CSNK1G1: variants seen among roughly 807,000 people sequenced by gnomAD.
CSNK1G1 encodes the protein casein kinase 1 gamma 1.
CSNK1G1 carries 22 observed loss-of-function variants against 59.6 expected under a neutral mutation model. The observed-to-expected ratio is 0.37, with a 90% confidence interval of 0.26 to 0.53. CSNK1G1 has a LOEUF of 0.53. CSNK1G1 is among the 20% of genes least tolerant of loss of function. The pLI, the probability that CSNK1G1 is intolerant of heterozygous loss-of-function variation, is 0.89. For synonymous variants in CSNK1G1, 179 were observed against 177.1 expected (o/e 1.01, Z -0.08); for missense variants, 384 against 519.5 (o/e 0.74, Z 2.54).
rs187606784 is a variant in CSNK1G1, at chr15:64,316,148, T to C, written c.-224-15425A>G. Among the ~76,000 whole-genome samples, 549 of 152,098 alleles carry C rather than the reference T, an allele frequency of 3.6e-3. 5 individuals are homozygous for C. Among genetic ancestry groups the C allele is most frequent in the Non-Finnish European group, 3.8e-3 (258 of 68,016 alleles). ...CTTTAGCAATCCTCCAACCCCAGCC[T>C]CTCAAAGCACTGGGATTAAAAACAT... On this transcript the variant is annotated intron_variant, in intron 1 of 11. Transcript: ENST00000303052.
intron 1 of CSNK1G1, among the ~76,000 whole-genome samples, chr15:64,325,820 C>T (rs1896807965): frequency 6.6e-6 from 1 of 152,072 alleles, no homozygotes; most frequent in South Asian, 2.1e-4. Flanking sequence ...AAGTAATTGG[C>T]CTAATACTAC....
At chr15:64,178,875 C>T (rs539806394) in intron 11 of CSNK1G1, among the ~76,000 whole-genome samples, 2 of 151,982 alleles carry the variant, frequency 1.3e-5, no homozygotes, top group Non-Finnish European at 2.9e-5. Flanking sequence ...CTGAACCTTC[C>T]AAGTACCTAG....
intron 10 of CSNK1G1, among the ~76,000 whole-genome samples, chr15:64,201,886 A>G (rs1033667919): frequency 8.5e-5 from 13 of 152,132 alleles, no homozygotes; most frequent in African/African-American, 2.9e-4. Context: ...GATATGTGAT[A>G]ATTATTTTAA....
intron 10 of CSNK1G1, among the ~76,000 whole-genome samples, chr15:64,182,575 G>T (rs993129733): frequency 2.6e-5 from 4 of 152,144 alleles, no homozygotes; most frequent in Non-Finnish European, 4.4e-5. Flanking sequence ...AATGTGACAT[G>T]AACTATATAT....
rs2082288877 is a variant in CSNK1G1, at chr15:64,214,713, A to T, written c.445-589T>A. On this transcript the variant is annotated intron_variant, in intron 5 of 11. Transcript: ENST00000303052. The surrounding 1 kb of genome is among the most constrained non-coding windows in gnomAD (Gnocchi z 4.3). ...AGTCTTGCTCTGTCACCCAGGGTGG[A>T]GTGCAGCCTCAGCCTCCTGGGTTCT... 1.3e-5 allele frequency among the ~76,000 whole-genome samples: 2 copies of T among 152,140 alleles called. No individual in the cohort carries two copies. The highest frequency in any genetic ancestry group is 4.1e-4 in the South Asian group (2 of 4,826).
intron 2 of CSNK1G1, among the ~76,000 whole-genome samples, chr15:64,271,839 T>A (rs1041589716): frequency 6.6e-6 from 1 of 152,212 alleles, no homozygotes; most frequent in African/African-American, 2.4e-5. Flanking sequence ...CTCAATCATC[T>A]GTTTGATACT....
At chr15:64,277,677 A>C (rs1217283714) in intron 2 of CSNK1G1, among the ~76,000 whole-genome samples, 6 of 134,586 alleles carry the variant, frequency 4.5e-5, no homozygotes, top group African/African-American at 1.7e-4. Flanking sequence ...ATATTTAATA[A>C]TATAGCAATA....
Position 64,251,376 on chromosome 15 carries a change from GTTTA to G in CSNK1G1, c.292+132_292+135del, listed in dbSNP as rs1892073234. The G allele has an allele frequency of 5.0e-6, 3 of 603,170 alleles. No individual in the cohort carries two copies. The South Asian group carries it at 6.8e-5, about 14-fold the overall frequency. The allele number at this position is 603,170 out of a possible 1,614,324, so 37.4% of individuals were successfully genotyped here. On this transcript the variant is annotated intron_variant, in intron 4 of 11. Coordinates refer to ENST00000303052, the MANE Select transcript of CSNK1G1 (RefSeq NM_022048.5). The stretch of plus-strand genomic sequence containing the variant: ...CGCAAGTAGCTTTGTGGTTGACTAT[GTTTA>G]TTTACCTATCCGGCAAGCAGGGGAG...
At chr15:64,172,018 G>A in intron 11 of CSNK1G1, 33 bp from the exon 12 acceptor site, 1 of 1,600,810 alleles carries the variant, frequency 6.2e-7, no homozygotes, top group Non-Finnish European at 8.6e-7. Flanking sequence ...AGTCAGTGCG[G>A]GAGGCCTGCA....
chr15:64,181,528 T>C, intron 10 of CSNK1G1: 1 of 1,128,156 alleles, frequency 8.9e-7, no homozygotes, highest in East Asian at 2.6e-5. Flanking sequence ...TTCTTATAGG[T>C]TGATGAGAGA....
intron 6 of CSNK1G1, among the ~76,000 whole-genome samples, chr15:64,209,634 G>T (rs2082226261): frequency 6.6e-6 from 1 of 151,970 alleles, no homozygotes; most frequent in Non-Finnish European, 1.5e-5. Context: ...TCTGAAGTTT[G>T]CAATAAAATA....
chr15:64,261,405 A>AGCCT (rs1892681512), intron 2 of CSNK1G1, among the ~76,000 whole-genome samples: 1 of 152,156 alleles, frequency 6.6e-6, no homozygotes, highest in South Asian at 2.1e-4. Flanking sequence ...GTTCGAGAAC[A>AGCCT]GCCTGGCCAA....
At chr15:64,235,946 T>G (rs2082608444) in intron 4 of CSNK1G1, among the ~76,000 whole-genome samples, 1 of 151,712 alleles carries the variant, frequency 6.6e-6, no homozygotes, top group South Asian at 2.1e-4. Flanking sequence ...AGAAAACTGT[T>G]AGGTAAACAG....
intron 1 of CSNK1G1, among the ~76,000 whole-genome samples, chr15:64,346,305 C>T (rs1193757623): frequency 7.6e-6 from 1 of 132,438 alleles, no homozygotes; most frequent in African/African-American, 2.8e-5. Context: ...TACACCTTTC[C>T]AAAAAAAAAA....
At chr15:64,285,178 A>T (rs974456311) in intron 2 of CSNK1G1, among the ~76,000 whole-genome samples, 1 of 152,154 alleles carries the variant, frequency 6.6e-6, no homozygotes, top group Admixed American at 6.5e-5. Context: ...TTTTATGGTT[A>T]ACAGTTCTAG....
At chr15:64,240,834 T>C (rs888126777) in intron 4 of CSNK1G1, among the ~76,000 whole-genome samples, 4 of 151,864 alleles carry the variant, frequency 2.6e-5, no homozygotes, top group African/African-American at 9.7e-5. Flanking sequence ...ATCATAAAAA[T>C]ACGTAAATCT....
At chr15:64,206,044 T>C (rs1242090751) in intron 7 of CSNK1G1, among the ~76,000 whole-genome samples, 1 of 152,192 alleles carries the variant, frequency 6.6e-6, no homozygotes, top group Non-Finnish European at 1.5e-5. Context: ...CGATGGCTCA[T>C]GCCTGTAATC....
At chr15:64,306,818 T>C (rs977401123) in intron 1 of CSNK1G1, among the ~76,000 whole-genome samples, 2 of 152,150 alleles carry the variant, frequency 1.3e-5, no homozygotes, top group African/African-American at 4.8e-5. Flanking sequence ...AATGAATTAT[T>C]GAAAGCTACA....
chr15:64,276,335 A>C (rs2140357197), intron 2 of CSNK1G1, among the ~76,000 whole-genome samples: 1 of 152,334 alleles, frequency 6.6e-6, no homozygotes, highest in East Asian at 1.9e-4. Flanking sequence ...TTGTATTTTT[A>C]AAATTTTTAT....
Sources: allele counts gnomAD v4.1 joint callset (sites outside exome capture counted in the v4.1 genomes callset), GRCh38; gene constraint gnomAD v4.1.1; non-coding constraint Gnocchi (gnomAD v3.1); transcripts MANE v1.5; gene names NCBI Gene and HGNC (gene_info 2026-07-23, HGNC 2026-07-21).